The following CCDC88C variants were observed in gnomAD, a reference collection of about 807,000 sequenced individuals.
CCDC88C encodes coiled-coil and HOOK domain protein 88C.
In CCDC88C, 131 loss-of-function variants were observed where a neutral mutation model predicts 198.8. The observed-to-expected ratio is 0.66, with a 90% CI of 0.57 to 0.76. CCDC88C has a LOEUF of 0.76. CCDC88C is among the 30% of genes least tolerant of loss of function. The probability of loss-of-function intolerance (pLI) is 0.00; values close to 1 mark genes in which losing one functional copy is unlikely to be tolerated. For synonymous variants in CCDC88C, 1,166 were observed against 1,114.7 expected, an observed-to-expected ratio of 1.05 and a Z score of -0.92; for missense variants, 2,553 against 2,631.6, an observed-to-expected ratio of 0.97 and a Z score of 0.65.
intron 3 of CCDC88C, 57 bp downstream of exon 3, chr14:91,408,602 A>G: frequency 1.8e-6 from 2 of 1,100,462 alleles, no homozygotes; most frequent in Non-Finnish European, 1.4e-6. Flanking sequence ...GAAAACCGTG[A>G]CAGTGACGAT....
intron 3 of CCDC88C, among the ~76,000 whole-genome samples, chr14:91,385,501 G>C (rs1349412500): frequency 6.6e-6 from 1 of 152,184 alleles, no homozygotes; most frequent in East Asian, 1.9e-4. Context: ...CCCAGCCCTG[G>C]GAGGTGAGGG....
chr14:91,273,788 A>G lies in CCDC88C; in HGVS notation c.5059-135T>C. ...TTCCTGCCTGCCTTCTCCGAGGCAC[A>G]TGTGCCGCCTCCACCACACACACCA... On this transcript the variant is annotated intron_variant, in intron 29 of 29. Coordinates refer to ENST00000389857, the MANE Select transcript of CCDC88C (RefSeq NM_001080414.4). This position sits in a 1 kb window ranked among gnomAD's most constrained non-coding sequence, Gnocchi z 5.6. The G allele has an allele frequency of 3.0e-6, 2 of 661,140 alleles. No individual in the cohort carries two copies. Among genetic ancestry groups the G allele is most frequent in the Non-Finnish European group, 4.5e-6 (2 of 449,206 alleles). The allele number at this position is 661,140 out of a possible 1,614,324, so 41.0% of individuals were successfully genotyped here. A position where few individuals can be genotyped will look rare whatever the true frequency, so the allele number is the denominator to read the frequency against.
intron 28 of CCDC88C, 55 bp downstream of exon 28, chr14:91,279,183 C>A (rs895691884): frequency 5.5e-6 from 8 of 1,442,190 alleles, no homozygotes; most frequent in Non-Finnish European, 7.6e-6. Context: ...TAGGCATGAG[C>A]CACTGTGCCT....
At position 91,314,154 on chromosome 14, in the gene CCDC88C, C is replaced by G; in HGVS notation, c.1666-4G>C. 1.2e-6 allele frequency: 2 copies of G among 1,601,664 alleles called. No homozygotes were observed. Among genetic ancestry groups the G allele is most frequent in the Non-Finnish European group, 1.7e-6 (2 of 1,174,370 alleles). On this transcript the variant is annotated splice_polypyrimidine_tract_variant and splice_region_variant and intron_variant, in intron 14 of 29. Coordinates refer to ENST00000389857, the MANE Select transcript of CCDC88C (RefSeq NM_001080414.4). ...TTTCCTGCTCAAGGTCCTTGATCTA[C>G]GGGAAAACACAACAGGCACAACCCA... is the stretch of plus-strand genomic sequence containing the variant.
intron 3 of CCDC88C, among the ~76,000 whole-genome samples, chr14:91,395,805 AC>A: frequency 6.6e-6 from 1 of 152,038 alleles, no homozygotes; most frequent in East Asian, 1.9e-4. Flanking sequence ...ATGTAGAATT[AC>A]CACCCCTCAA....
At chr14:91,354,196 CTGG>C (rs1893938628) in intron 4 of CCDC88C, among the ~76,000 whole-genome samples, 1 of 152,196 alleles carries the variant, frequency 6.6e-6, no homozygotes, top group Non-Finnish European at 1.5e-5. Context: ...GATACAAACC[CTGG>C]AAGAAAAAAC....
chr14:91,295,977 G>A (rs1041570530), intron 22 of CCDC88C, among the ~76,000 whole-genome samples: 6 of 152,230 alleles, frequency 3.9e-5, no homozygotes, highest in Non-Finnish European at 8.8e-5. Context: ...AGCACTGCCT[G>A]CAAGCCAGGG....
intron 2 of CCDC88C, among the ~76,000 whole-genome samples, chr14:91,410,647 G>A (rs1467213654): frequency 6.6e-6 from 1 of 152,230 alleles, no homozygotes; most frequent in African/African-American, 2.4e-5. Flanking sequence ...TTTAGCTACA[G>A]AAGTGTTCCT....
At chr14:91,292,218 C>T (rs924565986) in intron 23 of CCDC88C, among the ~76,000 whole-genome samples, 2 of 152,208 alleles carry the variant, frequency 1.3e-5, no homozygotes, top group African/African-American at 4.8e-5. Context: ...TCTGTGCTCA[C>T]GGCCGTGCTG....
intron 3 of CCDC88C, among the ~76,000 whole-genome samples, chr14:91,397,461 C>A (rs1885916118): frequency 6.6e-6 from 1 of 151,798 alleles, no homozygotes; most frequent in African/African-American, 2.4e-5. Flanking sequence ...CTCACACACA[C>A]TCTCACACTC....
At chr14:91,416,147 C>T (rs1459001622) in intron 2 of CCDC88C, among the ~76,000 whole-genome samples, 1 of 152,222 alleles carries the variant, frequency 6.6e-6, no homozygotes. Context: ...GTAACTTCTA[C>T]TAAGACCCTG....
rs747142100 is a variant in CCDC88C, at chr14:91,321,179, C to G, written c.1468G>C (p.Glu490Gln). 2 of 1,613,248 alleles carry G rather than the reference C, an allele frequency of 1.2e-6. No homozygotes were observed. The highest frequency in any genetic ancestry group is 1.7e-6 in the Non-Finnish European group (2 of 1,179,680). ...QGLRDASLVL[E>Q]ESGLKCGELE... ...TCCCCGCACTTGAGGCCGCTCTCCT[C>G]CAACACCAGGGACGCGTCCCGCAGC... Residue 490 changes from glutamate (E) to glutamine (Q), a missense_variant, in exon 13 of 30, where the codon GAG becomes CAG. Around this residue, in one of 2 missense-constraint regions of CCDC88C, gnomAD observed 1,260 missense variants for 1,412.0 expected, o/e 0.89. Coordinates refer to ENST00000389857, the MANE Select transcript of CCDC88C (RefSeq NM_001080414.4).
Position 91,362,345 on chromosome 14 carries a change from T to C in CCDC88C, c.271-2634A>G, listed in dbSNP as rs1285810. Among the ~76,000 whole-genome samples the C allele has an allele frequency of 5.9e-4, 90 of 152,306 alleles. 2 individuals are homozygous for C. In the East Asian group the frequency reaches 0.016, roughly 27 times the overall value. On this transcript the variant is annotated intron_variant, in intron 3 of 29. Transcript: ENST00000389857. ...ATCCCCTTTCCAACTCTTGGCTAGC[T>C]TTCTTCTGCCATTTGTCCAAGCTCA...
At chr14:91,354,002 A>T (rs1490323261) in intron 4 of CCDC88C, among the ~76,000 whole-genome samples, 1 of 152,162 alleles carries the variant, frequency 6.6e-6, no homozygotes, top group Admixed American at 6.5e-5. Context: ...AAAAGTAACC[A>T]TCTGTGCAAT....
intron 10 of CCDC88C, among the ~76,000 whole-genome samples, chr14:91,332,702 T>C (rs1245467813): frequency 6.6e-6 from 1 of 152,216 alleles, no homozygotes; most frequent in African/African-American, 2.4e-5. Flanking sequence ...TCTGCTCTCC[T>C]GCCCATCTCA....
intron 4 of CCDC88C, among the ~76,000 whole-genome samples, chr14:91,354,702 C>G (rs547717835): frequency 3.8e-4 from 58 of 152,194 alleles, no homozygotes; most frequent in Non-Finnish European, 6.5e-4. Context: ...AGGTGGGCCC[C>G]CTGCATGGAT....
rs191239137 is a variant in CCDC88C at position 91,320,569 on chromosome 14, G to C, written c.1527+551C>G. On this transcript the variant is annotated intron_variant, in intron 13 of 29. Coordinates refer to ENST00000389857, the MANE Select transcript of CCDC88C (RefSeq NM_001080414.4). ...GGGAACCTCTGATCTGCAGCCAGCC[G>C]ATCAGAAGCACAGGTGACAATCCGG... 2.8e-3 allele frequency among the ~76,000 whole-genome samples: 431 copies of C among 152,342 alleles called. 6 individuals carry two copies. The highest frequency in any genetic ancestry group is 0.01 in the African/African-American group (419 of 41,568).
intron 16 of CCDC88C, 26 bp from the exon 17 acceptor site, chr14:91,308,518 A>G (rs1163842810): frequency 1.9e-6 from 3 of 1,611,084 alleles, no homozygotes; most frequent in East Asian, 4.5e-5. Context: ...ATACAATAGT[A>G]TCACTTATCT....
At position 91,371,774 on chromosome 14, in the gene CCDC88C, G is replaced by A. The variant is rs1030043246; in HGVS notation, c.271-12063C>T. Among the ~76,000 whole-genome samples, 6 of 152,186 alleles carry A rather than the reference G, an allele frequency of 3.9e-5. No individual in the cohort carries two copies. Among genetic ancestry groups the A allele is most frequent in the Non-Finnish European group, 8.8e-5 (6 of 68,028 alleles). On this transcript the variant is annotated intron_variant, in intron 3 of 29. Transcript: ENST00000389857. This position sits in a 1 kb window ranked among gnomAD's most constrained non-coding sequence, Gnocchi z 4.2. ...ACCGCTCACCCACCCAGGCCCACAG[G>A]CACCTATGCCAGGGCAGGGCTGGGG...
Sources: allele counts gnomAD v4.1 joint callset (sites outside exome capture counted in the v4.1 genomes callset), GRCh38; gene constraint gnomAD v4.1.1; regional missense constraint gnomAD v4.1.1; non-coding constraint Gnocchi (gnomAD v3.1); transcripts MANE v1.5; gene names NCBI Gene and HGNC (gene_info 2026-07-23, HGNC 2026-07-21).